NOS3: variants seen among roughly 807,000 people sequenced by gnomAD.
The protein encoded by NOS3 is nitric oxide synthase 3.
Under a neutral mutation model 144.9 loss-of-function variants are expected in NOS3, and 98 were observed. The ratio of observed to expected loss-of-function variants is 0.68; its 90% confidence interval spans 0.57 to 0.80. NOS3 has a LOEUF of 0.80. Among genes scored for constraint, NOS3 ranks in the 30% least tolerant of loss-of-function variants. The probability of loss-of-function intolerance (pLI) is 0.00; values close to 1 mark genes in which losing one functional copy is unlikely to be tolerated. For missense variants in NOS3, 1,465 were observed against 1,656.4 expected (o/e 0.88, Z 2.01); for synonymous variants, 714 against 702.4 (o/e 1.02, Z -0.26).
rs748138290 is a variant in NOS3 at position 150,995,322 on chromosome 7, C to T, written c.270+8C>T. On this transcript the variant is annotated splice_region_variant and intron_variant, in intron 3 of 26. Transcript: ENST00000297494. ...AGCGCCCAGGCGCAGCAGGTAAGGC[C>T]GGCATGCCCTGTCCCCATCGTCTCC... The T allele has an allele frequency of 1.6e-5, 26 of 1,591,074 alleles. No individual in the cohort carries two copies. In the South Asian group the frequency reaches 2.2e-4, roughly 14 times the overall value.
chr7:151,013,143 G>A (rs1795343133), intron 24 of NOS3, 88 bp from the exon 25 acceptor site: 3 of 1,451,082 alleles, frequency 2.1e-6, no homozygotes, highest in African/African-American at 2.8e-5. Context: ...ACGCTGGGCT[G>A]CCAGGCTGGG....
intron 23 of NOS3, chr7:151,012,038 C>T (rs1795315673): frequency 9.1e-6 from 3 of 328,150 alleles, no homozygotes; most frequent in Non-Finnish European, 1.8e-5. Context: ...ATTAAGGATA[C>T]TTAAAATAAA....
intron 21 of NOS3, 132 bp from the exon 22 acceptor site, chr7:151,010,465 C>T: frequency 9.8e-6 from 11 of 1,118,860 alleles, no homozygotes; most frequent in Non-Finnish European, 1.4e-5. Context: ...TTCTCCAGGT[C>T]TTAGAGAAAA....
In NOS3 at chr7:151,012,428, T is replaced by C; in HGVS notation, c.3062T>C (p.Phe1021Ser). 2 of 1,610,678 alleles carry C rather than the reference T, an allele frequency of 1.2e-6. No homozygotes were observed. The change falls in exon 24 of 27, where the codon TTC becomes TCC. Residue 1021 changes from phenylalanine to serine, a missense_variant. This residue lies in a region of NOS3 where 106 missense variants were observed against 167.7 expected (regional missense o/e 0.63). Coordinates refer to ENST00000297494, the MANE Select transcript of NOS3 (RefSeq NM_000603.5). ...LVGPGTGIAP[F>S]RGFWQERLHD... is the part of the protein sequence containing the mutation. ...GGTCCAGGCACTGGCATTGCCCCCT[T>C]CCGGGGATTCTGGCAGGAGCGGCTG...
rs148919189 is a variant in NOS3 at position 151,010,163 on chromosome 7, C to T, written c.2561C>T (p.Thr854Met). The change falls in exon 21 of 27, where the codon ACG (threonine) becomes ATG (methionine). Residue 854 changes from threonine (T) to methionine (M), a missense_variant. Thr to Met is a moderately conservative substitution (Grantham distance 81). Around this residue, in one of 5 missense-constraint regions of NOS3, gnomAD observed 745 missense variants for 853.9 expected, o/e 0.87. Transcript: ENST00000297494. ...CGGGACCCCCGGCTGCCCCCGTGCA[C>T]GCTGCGCCAGGCTCTCACCTTCTTC... ...WVRDPRLPPC[T>M]LRQALTFFLD... 172 of 1,610,792 alleles carry T rather than the reference C, an allele frequency of 1.1e-4. No individual in the cohort carries two copies. The African/African-American group carries it at 1.3e-3, about 12-fold the overall frequency.
At chr7:151,000,143 A>AG (rs1042771354) in intron 9 of NOS3, among the ~76,000 whole-genome samples, 2 of 61,620 alleles carry the variant, frequency 3.2e-5, no homozygotes, top group African/African-American at 1.3e-4. Context: ...TGGGTGGGTG[A>AG]GGGGGGCATG....
In NOS3 at chr7:151,003,412, C is replaced by T; in HGVS notation, c.1752+1108C>T. 1 of 1,224,430 alleles carries T rather than the reference C, an allele frequency of 8.2e-7. No homozygotes were observed. Among genetic ancestry groups the T allele is most frequent in the Non-Finnish European group, 1.0e-6 (1 of 954,852 alleles). The allele number at this position is 1,224,430 out of a possible 1,614,324, so 75.8% of individuals were successfully genotyped here. On this transcript the variant is annotated intron_variant, in intron 14 of 26. Coordinates refer to ENST00000297494, the MANE Select transcript of NOS3 (RefSeq NM_000603.5). The surrounding 1 kb of genome is among the most constrained non-coding windows in gnomAD (Gnocchi z 4.1). ...AAGTGCTGCGATTATAGACGTGAGC[C>T]ACTGCACCTGGCCCTCAGTATCTTA...
chr7:151,006,765 C>T (rs1292804595), intron 15 of NOS3, 124 bp from the exon 16 acceptor site: 1 of 827,984 alleles, frequency 1.2e-6, no homozygotes, highest in African/African-American at 1.7e-5. Flanking sequence ...CTCAGCCCCT[C>T]CCAAGGGCAG....
chr7:151,013,985 T>A (rs746109526), intron 26 of NOS3, 23 bp from the exon 27 acceptor site: 14 of 1,608,778 alleles, frequency 8.7e-6, no homozygotes, highest in African/African-American at 1.3e-5. Flanking sequence ...CGGGTTCTGA[T>A]CCACTGTGCT....
Position 151,012,331 on chromosome 7 carries a change from T to TG in NOS3, c.2985-18dup. 1 of 1,545,088 alleles carries TG rather than the reference T, an allele frequency of 6.5e-7. No homozygotes were observed. The highest frequency in any genetic ancestry group is 2.4e-5 in the East Asian group (1 of 40,998). On this transcript the variant is annotated intron_variant, in intron 23 of 26. Coordinates refer to ENST00000297494, the MANE Select transcript of NOS3 (RefSeq NM_000603.5). ...AGCAGGAAAGGCAAAGGGGACCTGA[T>TG]GGAGTGTCTCTCCTGCCAGGGCTCC...
chr7:150,996,387 GCACT>G lies in NOS3; in HGVS notation c.271-15_271-12del. On this transcript the variant is annotated splice_polypyrimidine_tract_variant and intron_variant, in intron 3 of 26. Transcript: ENST00000297494. ...TGCACCCTGGCCTGTCCTGACCTTT[GCACT>G]CCCTCGACCCAGGATGGGCCCTGCA... The G allele has an allele frequency of 3.3e-6, 4 of 1,200,616 alleles. No individual in the cohort carries two copies. Among genetic ancestry groups the G allele is most frequent in the Non-Finnish European group, 4.2e-6 (4 of 942,858 alleles). 74.4% of individuals were successfully genotyped at this position (1,200,616 alleles called of 1,614,324 possible).
chr7:150,994,557 A>G (rs1802325437), intron 2 of NOS3, among the ~76,000 whole-genome samples: 1 of 152,092 alleles, frequency 6.6e-6, no homozygotes, highest in Non-Finnish European at 1.5e-5. Context: ...AGTTCCCACA[A>G]GAGTCCTCCC....
Position 150,998,477 on chromosome 7 carries a change from A to G in NOS3, c.674+29A>G, listed in dbSNP as rs746810054. 2 of 1,611,520 alleles carry G rather than the reference A, an allele frequency of 1.2e-6. No homozygotes were observed. Among genetic ancestry groups the G allele is most frequent in the Non-Finnish European group, 1.7e-6 (2 of 1,179,442 alleles). On this transcript the variant is annotated intron_variant, in intron 6 of 26. Transcript: ENST00000297494. This position sits in a 1 kb window ranked among gnomAD's most constrained non-coding sequence, Gnocchi z 5.0. ...AGTGCCCCCCACCATGCCAGGCCCC[A>G]GCCTTCTTCCCCAAGGCAGGGAAGG... is the stretch of plus-strand genomic sequence containing the variant.
chr7:150,994,973 C>T (rs1178659891), intron 2 of NOS3, among the ~76,000 whole-genome samples: 2 of 152,130 alleles, frequency 1.3e-5, no homozygotes, highest in Admixed American at 6.5e-5. Context: ...AACTTAGCCT[C>T]GGGTCAGGGG....
intron 11 of NOS3, 32 bp from the exon 12 acceptor site, chr7:151,001,512 C>G: frequency 6.2e-7 from 1 of 1,611,282 alleles, no homozygotes; most frequent in Non-Finnish European, 8.5e-7. Flanking sequence ...CTTTTCTTTA[C>G]CTCCCCTCCC....
rs201400058 is a variant in NOS3, at chr7:151,000,451, C to G, written c.1132-47C>G. On this transcript the variant is annotated intron_variant, in intron 9 of 26. Transcript: ENST00000297494. Reference sequence around the variant, plus strand: ...AGAGATAGTCTCCCCACCCCACCCCCGTGATCACCTCTGTCCCTACCGATG... The same window carrying G: ...AGAGATAGTCTCCCCACCCCACCCCGGTGATCACCTCTGTCCCTACCGATG... 217 of 1,209,724 alleles carry G rather than the reference C, an allele frequency of 1.8e-4. No homozygotes were observed. In the African/African-American group the frequency reaches 2.8e-3, roughly 16 times the overall value. 74.9% of individuals were successfully genotyped at this position (1,209,724 alleles called of 1,614,324 possible).
Position 151,014,481 on chromosome 7 carries a change from T to C in NOS3, c.*312T>C, listed in dbSNP as rs769399425. 7.4e-5 allele frequency: 29 copies of C among 389,766 alleles called. No individual in the cohort carries two copies. The highest frequency in any genetic ancestry group is 1.1e-4 in the Non-Finnish European group (25 of 217,736). 24.1% of individuals were successfully genotyped at this position (389,766 alleles called of 1,614,324 possible). ...ATTCCTCTTGCCTCTCTCAGGAGTA[T>C]CTTACCTGTAAAGTCTAATCTCTAA... On this transcript the variant is annotated 3_prime_UTR_variant, in exon 27 of 27. Transcript: ENST00000297494.
At position 150,998,386 on chromosome 7, in the gene NOS3, A is replaced by G; in HGVS notation, c.612A>G (p.Ala204=). ...TCGATGCCCGGGACTGCAGGTCTGC[A>G]CAGGAAATGTTCACCTACATCTGCA... is the stretch of plus-strand genomic sequence containing the variant. ...QVFDARDCRS[A]QEMFTYICNH... Residue 204 remains alanine (A), a synonymous_variant, in exon 6 of 27, where the codon GCA becomes GCG. Coordinates refer to ENST00000297494, the MANE Select transcript of NOS3 (RefSeq NM_000603.5). The surrounding 1 kb of genome is among the most constrained non-coding windows in gnomAD (Gnocchi z 5.0). The G allele has an allele frequency of 2.5e-6, 4 of 1,612,290 alleles. No individual in the cohort carries two copies. The highest frequency in any genetic ancestry group is 3.4e-6 in the Non-Finnish European group (4 of 1,179,812).
intron 20 of NOS3, 100 bp downstream of exon 20, chr7:151,009,685 G>A: frequency 9.8e-7 from 1 of 1,025,132 alleles, no homozygotes; most frequent in South Asian, 1.7e-5. Context: ...CCCAGGGGGT[G>A]GCCACCTCCT....
Sources: allele counts gnomAD v4.1 joint callset (sites outside exome capture counted in the v4.1 genomes callset), GRCh38; gene constraint gnomAD v4.1.1; regional missense constraint gnomAD v4.1.1; non-coding constraint Gnocchi (gnomAD v3.1); transcripts MANE v1.5; gene names NCBI Gene and HGNC (gene_info 2026-07-23, HGNC 2026-07-21).